Variants in TAFA5 observed in about 807,000 individuals in gnomAD.
TAFA5 encodes TAFA chemokine like family member 5.
A neutral mutation model predicts 15.3 loss-of-function variants in TAFA5; 6 were observed. The observed-to-expected ratio is 0.39, with a 90% confidence interval of 0.21 to 0.77. The LOEUF is 0.77. Ranked by LOEUF, TAFA5 falls within the 30% of genes least tolerant of loss-of-function variation. TAFA5 has a pLI of 0.41. For missense variants in TAFA5, 161 were observed against 193.1 expected (o/e 0.83, Z 0.98); for synonymous variants, 103 against 80.7 (o/e 1.28, Z -1.48).
chr22:48,569,485 A>T (rs1007219362), intron 1 of TAFA5, among the ~76,000 whole-genome samples: 2 of 152,082 alleles, frequency 1.3e-5, no homozygotes, highest in African/African-American at 4.8e-5. Flanking sequence ...TGCCAAGGAC[A>T]TGGGGAGTGT....
chr22:48,732,276 G>A (rs2039223160), intron 3 of TAFA5, among the ~76,000 whole-genome samples: 1 of 152,138 alleles, frequency 6.6e-6, no homozygotes, highest in African/African-American at 2.4e-5. Context: ...CTGAGACGGA[G>A]TCTTGCTCTT....
intron 2 of TAFA5, among the ~76,000 whole-genome samples, chr22:48,673,162 A>T (rs887003943): frequency 6.6e-6 from 1 of 152,222 alleles, no homozygotes; most frequent in Non-Finnish European, 1.5e-5. Context: ...GGTCCCCTCC[A>T]TCACCGTCAT....
chr22:48,570,153 G>T (rs940612062), intron 1 of TAFA5, among the ~76,000 whole-genome samples: 4 of 152,210 alleles, frequency 2.6e-5, no homozygotes, highest in Non-Finnish European at 5.9e-5. Context: ...ATTGGTCAAG[G>T]CCAACATCAT....
chr22:48,544,423 G>A (rs1922582292), intron 1 of TAFA5: 1 of 347,986 alleles, frequency 2.9e-6, no homozygotes, highest in Non-Finnish European at 5.7e-6. Context: ...GGGTTTGCCA[G>A]GGACTCCGTC....
intron 1 of TAFA5, among the ~76,000 whole-genome samples, chr22:48,493,650 C>A (rs1398089180): frequency 6.6e-6 from 1 of 152,044 alleles, no homozygotes; most frequent in African/African-American, 2.4e-5. Flanking sequence ...GAATTTGGGG[C>A]ACAAGAAGAT....
At position 48,654,535 on chromosome 22, in the gene TAFA5, G is replaced by C. The variant is rs1927169955; in HGVS notation, c.262+7789G>C. 2.0e-5 allele frequency among the ~76,000 whole-genome samples: 3 copies of C among 152,246 alleles called. No individual in the cohort carries two copies. In the South Asian group the frequency reaches 6.2e-4, roughly 31 times the overall value. On this transcript the variant is annotated intron_variant, in intron 2 of 3. Coordinates refer to ENST00000402357, the MANE Select transcript of TAFA5 (RefSeq NM_001082967.3). ...CGGGGACAGAGAGCTGCAGGGTCCT[G>C]GGCAATGGGACCCCAGGCTGTGCTG...
At chr22:48,687,895 A>T (rs564916774) in intron 2 of TAFA5, among the ~76,000 whole-genome samples, 15 of 152,054 alleles carry the variant, frequency 9.9e-5, no homozygotes, top group Admixed American at 7.2e-4. Flanking sequence ...GACAGGAGAC[A>T]CTTTCCTTTT....
chr22:48,643,636 G>A (rs891137018), intron 1 of TAFA5, among the ~76,000 whole-genome samples: 8 of 152,216 alleles, frequency 5.3e-5, no homozygotes, highest in Admixed American at 1.3e-4. Context: ...TGTGGTTGGC[G>A]GCTTAGTGAC....
chr22:48,685,184 C>G (rs553046375), intron 2 of TAFA5, among the ~76,000 whole-genome samples: 1 of 152,248 alleles, frequency 6.6e-6, no homozygotes, highest in South Asian at 2.1e-4. Flanking sequence ...TAAGCTTTGT[C>G]TAAAGACTTC....
chr22:48,570,327 T>G (rs1175767168), intron 1 of TAFA5, among the ~76,000 whole-genome samples: 1 of 152,222 alleles, frequency 6.6e-6, no homozygotes, highest in Admixed American at 6.5e-5. Context: ...ACACAATTTA[T>G]CTACATTGTT....
chr22:48,721,508 A>G (rs1287671027), intron 3 of TAFA5, among the ~76,000 whole-genome samples: 2 of 151,186 alleles, frequency 1.3e-5, no homozygotes, highest in African/African-American at 2.4e-5. Context: ...GTGCTGGAAA[A>G]CCTGTTTTTC....
chr22:48,600,806 G>A (rs993496488), intron 1 of TAFA5, among the ~76,000 whole-genome samples: 5 of 152,218 alleles, frequency 3.3e-5, no homozygotes, highest in African/African-American at 1.2e-4. Context: ...TCAGACTCAA[G>A]CCATAGCTGC....
intron 1 of TAFA5, among the ~76,000 whole-genome samples, chr22:48,557,054 G>A (rs1413524011): frequency 6.6e-6 from 1 of 152,216 alleles, no homozygotes; most frequent in Admixed American, 6.5e-5. Flanking sequence ...TGGGAGGCCC[G>A]CAGGGAGCGG....
chr22:48,635,006 G>T (rs761783), intron 1 of TAFA5, among the ~76,000 whole-genome samples: 23,723 of 152,204 alleles, frequency 0.16, 2,466 homozygotes, highest in East Asian at 0.4. Flanking sequence ...CCTGAGGTAG[G>T]GGGGATCCTC....
At chr22:48,717,174 G>A (rs1929426141) in intron 3 of TAFA5, among the ~76,000 whole-genome samples, 1 of 152,234 alleles carries the variant, frequency 6.6e-6, no homozygotes, top group Non-Finnish European at 1.5e-5. Context: ...GGAAAAACCA[G>A]GTCATGGGCA....
At chr22:48,564,804 C>T (rs1053082621) in intron 1 of TAFA5, among the ~76,000 whole-genome samples, 2 of 152,140 alleles carry the variant, frequency 1.3e-5, no homozygotes, top group Non-Finnish European at 2.9e-5. Flanking sequence ...ACTTTTGCAG[C>T]GAGGCTCAGC....
At chr22:48,594,402 C>G (rs557925846) in intron 1 of TAFA5, among the ~76,000 whole-genome samples, 56 of 152,314 alleles carry the variant, frequency 3.7e-4, no homozygotes, top group South Asian at 1.0e-3. Context: ...GGTTGACAAG[C>G]TCCGAGGCAC....
intron 1 of TAFA5, among the ~76,000 whole-genome samples, chr22:48,628,291 G>A (rs116572319): frequency 0.012 from 1,762 of 152,312 alleles, 30 homozygotes; most frequent in African/African-American, 0.04. Flanking sequence ...CCAGCTTGTG[G>A]GGGTGTCAGA....
intron 2 of TAFA5, among the ~76,000 whole-genome samples, chr22:48,687,761 G>T (rs1928409032): frequency 6.6e-6 from 1 of 152,068 alleles, no homozygotes; most frequent in African/African-American, 2.4e-5. Flanking sequence ...CTCCCTAAGT[G>T]CCCCACCTCT....
Sources: gnomAD v4.1 joint callset for allele counts (sites outside exome capture counted in the v4.1 genomes callset) on GRCh38, gnomAD v4.1.1 for gene constraint, MANE v1.5 for transcripts, NCBI Gene and HGNC (gene_info 2026-07-23, HGNC 2026-07-21) for gene names.